Variants in PDXDC1 observed in about 807,000 individuals in gnomAD.
PDXDC1 encodes the protein pyridoxal dependent decarboxylase domain containing 1, also known as pyridoxal-dependent decarboxylase domain-containing protein 1.
Under a neutral mutation model 100.1 loss-of-function variants are expected in PDXDC1, and 42 were observed. The observed-to-expected ratio is 0.42, with a 90% CI of 0.33 to 0.54. PDXDC1 has a LOEUF of 0.54. PDXDC1 is among the 20% of genes least tolerant of loss of function. PDXDC1 has a pLI of 0.10. For synonymous variants in PDXDC1, 260 were observed against 371.7 expected, an observed-to-expected ratio of 0.70 and a Z score of 3.46; for missense variants, 636 against 979.2, an observed-to-expected ratio of 0.65 and a Z score of 4.68.
At chr16:15,133,509 C>A (rs1015933118) in intron 16 of PDXDC1, 1 of 880,926 alleles carries the variant, frequency 1.1e-6, no homozygotes, top group Non-Finnish European at 1.8e-6. Flanking sequence ...GCGACCACAG[C>A]GGCTCCCAGC....
chr16:15,012,980 C>A (rs571850920), intron 8 of PDXDC1, among the ~76,000 whole-genome samples: 12 of 152,344 alleles, frequency 7.9e-5, no homozygotes, highest in Non-Finnish European at 1.6e-4. Context: ...GACATCCTGG[C>A]TAACATGGTG....
intron 16 of PDXDC1, among the ~76,000 whole-genome samples, chr16:15,090,873 G>GTT (rs4012873): frequency 4.7e-5 from 6 of 128,188 alleles, no homozygotes; most frequent in Non-Finnish European, 6.7e-5. Context: ...TCAGTGGTTT[G>GTT]TTTTTTTTTT....
chr16:15,125,065 TG>T (rs1371556838), intron 16 of PDXDC1, among the ~76,000 whole-genome samples: 2 of 144,792 alleles, frequency 1.4e-5, no homozygotes, highest in African/African-American at 2.7e-5. Context: ...GACAATCCCT[TG>T]AACCCGGGAG....
downstream of PDXDC1, chr16:15,038,728 AC>A: frequency 8.6e-7 from 1 of 1,159,852 alleles, no homozygotes; most frequent in Non-Finnish European, 1.3e-6. Flanking sequence ...CAGGAATGTC[AC>A]CCACTTTTCA....
chr16:15,066,094 T>C (rs913693523), intron 16 of PDXDC1, among the ~76,000 whole-genome samples: 2 of 152,216 alleles, frequency 1.3e-5, no homozygotes, highest in African/African-American at 2.4e-5. Flanking sequence ...CCATCTCAGG[T>C]TCTCAGGTCA....
chr16:15,087,006 A>T (rs897312013), intron 16 of PDXDC1, among the ~76,000 whole-genome samples: 16 of 152,216 alleles, frequency 1.1e-4, no homozygotes, highest in African/African-American at 3.6e-4. Context: ...TTTTTCGGGC[A>T]ATCAAATTAC....
At chr16:15,129,037 C>G (rs1297237705) in intron 16 of PDXDC1, among the ~76,000 whole-genome samples, 1 of 151,542 alleles carries the variant, frequency 6.6e-6, no homozygotes, top group Non-Finnish European at 1.5e-5. Context: ...GATCTCCTGA[C>G]CCCGTGATTT....
At chr16:15,132,759 C>T (rs975308358) in intron 16 of PDXDC1, 145 of 1,157,044 alleles carry the variant, frequency 1.3e-4, no homozygotes, top group Non-Finnish European at 1.6e-4. Context: ...TGCTGGATGT[C>T]ATCCACAGTG....
intron 16 of PDXDC1, among the ~76,000 whole-genome samples, chr16:15,031,137 C>T (rs12934908): frequency 0.012 from 1,396 of 114,186 alleles, 55 homozygotes; most frequent in Middle Eastern, 0.022. Flanking sequence ...TTTTTTTTTC[C>T]ATAGAGACGT....
At chr16:15,132,463 A>C (rs1469529686) in intron 16 of PDXDC1, among the ~76,000 whole-genome samples, 2 of 146,380 alleles carry the variant, frequency 1.4e-5, no homozygotes, top group African/African-American at 5.1e-5. Flanking sequence ...GAAGGCACAG[A>C]ACAGCATCTT....
At chr16:15,063,368 A>T (rs1345170020) in intron 16 of PDXDC1, 1 of 1,010,614 alleles carries the variant, frequency 9.9e-7, no homozygotes, top group East Asian at 2.4e-5. Context: ...CACAAGATCT[A>T]TTACCCAAAA....
At chr16:15,076,476 G>C in intron 16 of PDXDC1, 2 of 948,372 alleles carry the variant, frequency 2.1e-6, no homozygotes, top group Non-Finnish European at 3.5e-6. Context: ...TCAATCTAAA[G>C]CCTTAACAAA....
At chr16:15,032,668 A>AAAAAAAAAAAAAAAAAAAAAAAG (rs57542228) in intron 17 of PDXDC1, 193 bp from the exon 18 acceptor site, 34 of 380,162 alleles carry the variant, frequency 8.9e-5, no homozygotes, top group South Asian at 1.8e-4. Flanking sequence ...AAAAAAAAAA[A>AAAAAAAAAAAAAAAAAAAAAAAG]AGGCTTTCCT....
At chr16:15,144,842 G>A in the PDXDC1 span, among the ~76,000 whole-genome samples, 2 of 152,306 alleles carry the variant, frequency 1.3e-5, no homozygotes, top group East Asian at 3.9e-4. Flanking sequence ...TTGGAGACAA[G>A]CCCACCTGTG....
intron 16 of PDXDC1, among the ~76,000 whole-genome samples, chr16:15,089,479 C>G (rs1470379442): frequency 6.6e-6 from 1 of 151,968 alleles, no homozygotes; most frequent in Non-Finnish European, 1.5e-5. Flanking sequence ...AATTTAAGAT[C>G]AAGAAACTAT....
At chr16:15,129,105 G>C (rs574613592) in intron 16 of PDXDC1, among the ~76,000 whole-genome samples, 2 of 151,664 alleles carry the variant, frequency 1.3e-5, no homozygotes, top group Non-Finnish European at 2.9e-5. Context: ...GCGCCCGGCC[G>C]ACAGTTTTTA....
chr16:14,980,587 G>A (rs8048177), intron 1 of PDXDC1, among the ~76,000 whole-genome samples: 35,968 of 146,324 alleles, frequency 0.25, 1,936 homozygotes, highest in East Asian at 0.45. Context: ...CCAGGTTCAC[G>A]CCATTCTTCT....
intron 16 of PDXDC1, chr16:15,125,841 G>A: frequency 2.3e-6 from 2 of 879,772 alleles, no homozygotes; most frequent in South Asian, 1.4e-5. Context: ...GCGGGCGGCA[G>A]CTCAGACCTG....
At position 15,019,089 on chromosome 16, in the gene PDXDC1, G is replaced by C. The variant is rs554929282; in HGVS notation, c.1089+124G>C. 3,622 of 1,371,826 alleles carry C rather than the reference G, an allele frequency of 2.6e-3. 53 individuals carry two copies. In the African/African-American group the frequency reaches 0.044, roughly 17 times the overall value. 85.0% of individuals were successfully genotyped at this position (1,371,826 alleles called of 1,614,324 possible). A position where few individuals can be genotyped will look rare whatever the true frequency, so the allele number is the denominator to read the frequency against. On this transcript the variant is annotated intron_variant, in intron 12 of 22. Coordinates refer to ENST00000396410, the MANE Select transcript of PDXDC1 (RefSeq NM_015027.4). ...TGGATTGACTGTCTCGTGAGCCAGA[G>C]ACTAATCGCCCTGCATGTAAATATT...
Sources: allele counts gnomAD v4.1 joint callset (sites outside exome capture counted in the v4.1 genomes callset), GRCh38; gene constraint gnomAD v4.1.1; transcripts MANE v1.5; gene names NCBI Gene and HGNC (gene_info 2026-07-23, HGNC 2026-07-21).